The following DGKB variants were observed in gnomAD, a reference collection of about 807,000 sequenced individuals.
DGKB encodes diacylglycerol kinase beta.
DGKB carries 67 observed loss-of-function variants against 114.3 expected under a neutral mutation model. The ratio of observed to expected loss-of-function variants is 0.59; its 90% CI spans 0.48 to 0.72. The LOEUF is 0.72. Among genes scored for constraint, DGKB ranks in the 30% least tolerant of loss-of-function variants. The probability of loss-of-function intolerance (pLI) is 0.00; values close to 1 mark genes in which losing one functional copy is unlikely to be tolerated. For synonymous variants in DGKB, 398 were observed against 323.1 expected (o/e 1.23, Z -2.49); for missense variants, 907 against 975.2 (o/e 0.93, Z 0.93).
intron 21 of DGKB, among the ~76,000 whole-genome samples, chr7:14,439,144 T>G (rs1262780799): frequency 6.6e-6 from 1 of 152,118 alleles, no homozygotes; most frequent in East Asian, 1.9e-4. Flanking sequence ...AGGAGTTACT[T>G]TCATTACACG....
chr7:14,948,883 GA>G (rs981549840), intron 1 of DGKB, among the ~76,000 whole-genome samples: 22 of 151,336 alleles, frequency 1.5e-4, no homozygotes, highest in South Asian at 2.1e-4. Flanking sequence ...CTTAAAAAGA[GA>G]AAAATAAAGA....
At chr7:14,510,261 C>A (rs1028158286) in intron 20 of DGKB, among the ~76,000 whole-genome samples, 1 of 152,206 alleles carries the variant, frequency 6.6e-6, no homozygotes, top group African/African-American at 2.4e-5. Context: ...ATTTTATCCA[C>A]AGGAGATCTT....
chr7:14,453,148 C>A (rs375371049), intron 21 of DGKB, among the ~76,000 whole-genome samples: 2 of 151,990 alleles, frequency 1.3e-5, no homozygotes, highest in African/African-American at 4.8e-5. Flanking sequence ...GAGTAAGAAC[C>A]ATTATTGGGT....
At chr7:14,384,905 A>G (rs894892010) in intron 21 of DGKB, among the ~76,000 whole-genome samples, 6 of 152,224 alleles carry the variant, frequency 3.9e-5, no homozygotes, top group Non-Finnish European at 8.8e-5. Flanking sequence ...AAAAGTCACT[A>G]GTGCTAAGAC....
At chr7:14,953,175 A>G (rs2128261438) in intron 1 of DGKB, among the ~76,000 whole-genome samples, 1 of 152,196 alleles carries the variant, frequency 6.6e-6, no homozygotes, top group African/African-American at 2.4e-5. Context: ...ACTTTACTAA[A>G]ACATAAGCAA....
At chr7:14,841,131 A>C in intron 2 of DGKB, 63 bp downstream of exon 2, 1 of 1,393,860 alleles carries the variant, frequency 7.2e-7, no homozygotes, top group African/African-American at 1.4e-5. Flanking sequence ...ATTCTTATAA[A>C]TAAATGATAC....
intron 19 of DGKB, among the ~76,000 whole-genome samples, chr7:14,580,564 G>A (rs759279538): frequency 3.9e-5 from 6 of 152,068 alleles, no homozygotes; most frequent in Non-Finnish European, 8.8e-5. Context: ...GTGCATCCAT[G>A]TGTACCTTAT....
intron 17 of DGKB, among the ~76,000 whole-genome samples, chr7:14,597,140 G>A (rs1302549299): frequency 6.6e-6 from 1 of 151,946 alleles, no homozygotes; most frequent in Non-Finnish European, 1.5e-5. Context: ...CCCAGGAGGC[G>A]GAGCTTGCAG....
chr7:14,541,306 C>T (rs1793403104), intron 20 of DGKB, among the ~76,000 whole-genome samples: 1 of 152,146 alleles, frequency 6.6e-6, no homozygotes, highest in Admixed American at 6.6e-5. Context: ...AATATCACTT[C>T]ATTTGTGAGC....
At position 14,612,619 on chromosome 7, in the gene DGKB, ATGTT is replaced by A. The variant is rs1343189266; in HGVS notation, c.1358+717_1358+720del. On this transcript the variant is annotated intron_variant, in intron 16 of 25. Transcript: ENST00000402815. ...AAAGGAAATTTGTTATACTGTTATCATGTTTGTTATGAGTGCTTTCATCTGCTTG... is the reference window on the plus strand; with the variant it reads ...AAAGGAAATTTGTTATACTGTTATCATGTTATGAGTGCTTTCATCTGCTTG... Among the ~76,000 whole-genome samples, 7 of 152,032 alleles carry A rather than the reference ATGTT, an allele frequency of 4.6e-5. No individual in the cohort carries two copies. In the East Asian group the frequency reaches 1.2e-3, roughly 25 times the overall value.
chr7:14,951,943 T>C lies in DGKB; in HGVS notation c.-188+22753A>G, dbSNP rs952436793. 3.3e-5 allele frequency among the ~76,000 whole-genome samples: 5 copies of C among 152,112 alleles called. No homozygotes were observed. The South Asian group carries it at 1.0e-3, about 32-fold the overall frequency. On this transcript the variant is annotated intron_variant, in intron 1 of 4. Transcript: ENST00000437998. ...AATAAAAGGAAAGATATGCTATAGG[T>C]TAGAGTGTCCCCCTACCCCATTGAT...
At chr7:14,704,439 C>G (rs1447807281) in intron 6 of DGKB, among the ~76,000 whole-genome samples, 1 of 136,744 alleles carries the variant, frequency 7.3e-6, no homozygotes, top group African/African-American at 2.9e-5. Context: ...CAGAGCGAGA[C>G]TCCATCTCAA....
chr7:14,677,579 A>G (rs1405150586), intron 12 of DGKB, among the ~76,000 whole-genome samples: 1 of 152,066 alleles, frequency 6.6e-6, no homozygotes, highest in African/African-American at 2.4e-5. Flanking sequence ...TTTCAAGCCT[A>G]AATAAAATCC....
intron 2 of DGKB, among the ~76,000 whole-genome samples, chr7:14,807,999 C>T (rs909319073): frequency 6.6e-6 from 1 of 151,942 alleles, no homozygotes; most frequent in Non-Finnish European, 1.5e-5. Context: ...TGTTCTCTTA[C>T]AAAGCTAAGA....
chr7:14,665,091 C>T (rs928102951), intron 13 of DGKB, among the ~76,000 whole-genome samples: 1 of 151,804 alleles, frequency 6.6e-6, no homozygotes, highest in Non-Finnish European at 1.5e-5. Context: ...AAATAATCAG[C>T]ATATTAACAC....
intron 2 of DGKB, among the ~76,000 whole-genome samples, chr7:14,781,735 G>A (rs1839125860): frequency 6.6e-6 from 1 of 152,090 alleles, no homozygotes; most frequent in African/African-American, 2.4e-5. Context: ...ATTCTTATAT[G>A]TAATATTTGT....
intron 23 of DGKB, among the ~76,000 whole-genome samples, chr7:14,313,431 C>T (rs553300414): frequency 4.6e-5 from 7 of 151,824 alleles, no homozygotes; most frequent in African/African-American, 1.2e-4. Flanking sequence ...GTGCGCGAGC[C>T]GAAGCAGGGC....
intron 2 of DGKB, among the ~76,000 whole-genome samples, chr7:14,763,303 T>A (rs1333745961): frequency 2.0e-5 from 3 of 152,124 alleles, no homozygotes; most frequent in Non-Finnish European, 4.4e-5. Flanking sequence ...GGACACCCCA[T>A]AATAACTCTC....
intron 23 of DGKB, among the ~76,000 whole-genome samples, chr7:14,223,829 A>C (rs566294935): frequency 1.6e-4 from 24 of 151,744 alleles, no homozygotes; most frequent in Admixed American, 1.1e-3. Flanking sequence ...CTCATTGCAT[A>C]CTGACCTCCA....
Sources: allele counts gnomAD v4.1 joint callset (sites outside exome capture counted in the v4.1 genomes callset), GRCh38; gene constraint gnomAD v4.1.1; transcripts MANE v1.5; gene names NCBI Gene and HGNC (gene_info 2026-07-23, HGNC 2026-07-21).